The following CFHR2 variants were observed in gnomAD, a reference collection of about 807,000 sequenced individuals.
CFHR2 encodes complement factor H-related protein 2.
In CFHR2, 22 loss-of-function variants were observed where a neutral mutation model predicts 21.7. The observed-to-expected ratio is 1.01, with a 90% CI of 0.72 to 1.45. The LOEUF is 1.45. Among genes scored for constraint, CFHR2 ranks in the 40% most tolerant of loss-of-function variants. The pLI, the probability that CFHR2 is intolerant of heterozygous loss-of-function variation, is 0.00. For synonymous variants in CFHR2, 98 were observed against 97.4 expected, an observed-to-expected ratio of 1.01 and a Z score of -0.04; for missense variants, 294 against 293.3, an observed-to-expected ratio of 1.00 and a Z score of -0.02.
rs1180530149 is a variant in CFHR2, at chr1:196,943,898, TG to T, written c.19del (p.Val7Ter). 31 of 335,286 alleles carry T rather than the reference TG, an allele frequency of 9.2e-5. No homozygotes were observed. The African/African-American group carries it at 2.2e-3, about 24-fold the overall frequency. 20.8% of individuals were successfully genotyped at this position (335,286 alleles called of 1,614,324 possible). On this transcript the variant is annotated frameshift_variant, in exon 1 of 5. Coordinates refer to ENST00000367415, the MANE Select transcript of CFHR2 (RefSeq NM_005666.4). LOFTEE classifies it high-confidence loss of function. Reference protein sequence around the residue: MWLLVSVILISRISSVG... With the variant: MWLLVSXILISRISSVG... ...TACCAAGCATGTGGCTCCTGGTCAG[TG>T]TAATTCTAATCTCACGGATATCCTC...
At position 196,957,882 on chromosome 1, in the gene CFHR2, T is replaced by A. The variant is rs761222772; in HGVS notation, c.431-9T>A. ...TACTCTCCCAGTAAATCAAATGATG[T>A]TTTTTTAGTTTCTGCAGAAAAATGT... On this transcript the variant is annotated splice_polypyrimidine_tract_variant and intron_variant, in intron 3 of 4. Coordinates refer to ENST00000367415, the MANE Select transcript of CFHR2 (RefSeq NM_005666.4). 129 of 1,606,540 alleles carry A rather than the reference T, an allele frequency of 8.0e-5. No individual in the cohort carries two copies. Among genetic ancestry groups the A allele is most frequent in the Non-Finnish European group, 1.0e-4 (120 of 1,176,116 alleles).
chr1:196,947,965 C>G (rs1659574742), intron 1 of CFHR2, among the ~76,000 whole-genome samples: 1 of 152,006 alleles, frequency 6.6e-6, no homozygotes, highest in Non-Finnish European at 1.5e-5. Flanking sequence ...CTGTGAAAAA[C>G]TTGTTAATAA....
At position 196,949,615 on chromosome 1, in the gene CFHR2, A is replaced by G. The variant is rs1461279910; in HGVS notation, c.219A>G (p.Ala73=). 2 of 1,613,982 alleles carry G rather than the reference A, an allele frequency of 1.2e-6. No individual in the cohort carries two copies. Among genetic ancestry groups the G allele is most frequent in the Admixed American group, 1.7e-5 (1 of 59,978 alleles). ...CCTTTTGGACTCGCATAACGTGCGC[A>G]GAAGAAGGATGGTCACCAACACCAA... ...SKSFWTRITC[A]EEGWSPTPKC... The change falls in exon 2 of 5, where the codon GCA becomes GCG. Residue 73 remains alanine (A), a synonymous_variant. Transcript: ENST00000367415.
At chr1:196,950,304 A>G (rs1374624025) in intron 2 of CFHR2, among the ~76,000 whole-genome samples, 1 of 152,204 alleles carries the variant, frequency 6.6e-6, no homozygotes, top group African/African-American at 2.4e-5. Context: ...TTATTATAAA[A>G]AACATAGAGT....
intron 1 of CFHR2, among the ~76,000 whole-genome samples, chr1:196,945,122 T>C (rs2477979): frequency 0.01 from 1,406 of 134,526 alleles, 46 homozygotes; most frequent in African/African-American, 0.031. Context: ...GTGATCTGCC[T>C]GCCTCGGCCT....
At chr1:196,955,701 A>G (rs1652842987) in intron 3 of CFHR2, among the ~76,000 whole-genome samples, 1 of 132,364 alleles carries the variant, frequency 7.6e-6, no homozygotes, top group Non-Finnish European at 1.6e-5. Context: ...TATAAAAATT[A>G]GCTGGGCATG....
intron 3 of CFHR2, 38 bp downstream of exon 3, chr1:196,951,066 A>G (rs779054068): frequency 1.2e-6 from 2 of 1,607,866 alleles, no homozygotes; most frequent in South Asian, 2.2e-5. Context: ...CTGTTATATT[A>G]TAAAGTGTAA....
chr1:196,946,375 C>A (rs1173751097), intron 1 of CFHR2, among the ~76,000 whole-genome samples: 3 of 152,038 alleles, frequency 2.0e-5, no homozygotes, highest in Admixed American at 1.3e-4. Flanking sequence ...TTATTTTAAA[C>A]TTTTCTTCGA....
chr1:196,949,394 G>A, intron 1 of CFHR2, 61 bp from the exon 2 acceptor site: 5 of 1,466,590 alleles, frequency 3.4e-6, no homozygotes, highest in Non-Finnish European at 4.7e-6. Context: ...TTAAAATATA[G>A]TCTAGTGATT....
In CFHR2 at chr1:196,958,901, G is replaced by A; in HGVS notation, c.634G>A (p.Glu212Lys). The A allele has an allele frequency of 2.5e-6, 4 of 1,586,720 alleles. No homozygotes were observed. Among genetic ancestry groups the A allele is most frequent in the Non-Finnish European group, 3.5e-6 (4 of 1,157,264 alleles). The change falls in exon 5 of 5, where the codon GAA (glutamate) becomes AAA (lysine). Residue 212 changes from glutamate to lysine, a missense_variant. Physicochemically the swap from Glu to Lys is moderately conservative, Grantham distance 56 (BLOSUM62 1). Transcript: ENST00000367415. ...TTCAGATCCATGTGTAATATCACAAGAAATTATGGAAAAATATAACATAAA... is the reference window on the plus strand; with the variant it reads ...TTCAGATCCATGTGTAATATCACAAAAAATTATGGAAAAATATAACATAAA... ...KCLDPCVISQ[E>K]IMEKYNIKLK...
chr1:196,950,726 G>A, intron 2 of CFHR2, 126 bp from the exon 3 acceptor site: 2 of 1,054,728 alleles, frequency 1.9e-6, no homozygotes, highest in Admixed American at 2.1e-5. Flanking sequence ...ACTCACCTCA[G>A]CCTCCCAAAG....
chr1:196,950,462 G>GTTTGTTTTGT (rs368906118), intron 2 of CFHR2, among the ~76,000 whole-genome samples: 1 of 151,618 alleles, frequency 6.6e-6, no homozygotes, highest in South Asian at 2.1e-4. Context: ...TTTTTTGTTT[G>GTTTGTTTTGT]TTTGTTTTGT....
chr1:196,959,220 A>G lies in CFHR2; in HGVS notation c.*140A>G. On this transcript the variant is annotated 3_prime_UTR_variant, in exon 5 of 5. Coordinates refer to ENST00000367415, the MANE Select transcript of CFHR2 (RefSeq NM_005666.4). ...TTTTGTGTTGATTTGTGAAAATGCA[A>G]TTACAATCTGAGATGTGTCACAATG... 2 of 654,450 alleles carry G rather than the reference A, an allele frequency of 3.1e-6. No individual in the cohort carries two copies. Among genetic ancestry groups the G allele is most frequent in the Non-Finnish European group, 5.1e-6 (2 of 391,764 alleles). The allele number at this position is 654,450 out of a possible 1,614,324, so 40.5% of individuals were successfully genotyped here. A position where few individuals can be genotyped will look rare whatever the true frequency, so the allele number is the denominator to read the frequency against.
chr1:196,949,790 T>G, intron 2 of CFHR2, 141 bp downstream of exon 2: 1 of 1,055,830 alleles, frequency 9.5e-7, no homozygotes, highest in Non-Finnish European at 1.4e-6. Context: ...CCTTCTATTT[T>G]GAGATGGCTC....
chr1:196,950,804 T>C, intron 2 of CFHR2, 48 bp from the exon 3 acceptor site: 1 of 1,602,276 alleles, frequency 6.2e-7, no homozygotes, highest in Non-Finnish European at 8.5e-7. Context: ...AGTTGTACTT[T>C]TTCTTTGCTA....
At chr1:196,951,517 T>C (rs778449657) in intron 3 of CFHR2, among the ~76,000 whole-genome samples, 1 of 152,188 alleles carries the variant, frequency 6.6e-6, no homozygotes, top group Non-Finnish European at 1.5e-5. Context: ...TAGCTTAGCA[T>C]TTGGAAAACG....
chr1:196,951,175 C>T, intron 3 of CFHR2, 147 bp downstream of exon 3: 1 of 992,882 alleles, frequency 1.0e-6, no homozygotes, highest in South Asian at 1.8e-5. Flanking sequence ...CCAATTGTGT[C>T]TAAGTGGATG....
chr1:196,955,846 CA>C (rs1652853471), intron 3 of CFHR2, among the ~76,000 whole-genome samples: 1 of 151,558 alleles, frequency 6.6e-6, no homozygotes. Context: ...GACTCTGTCT[CA>C]AAAAAATAAT....
chr1:196,958,476 G>C (rs1014459003), intron 4 of CFHR2, among the ~76,000 whole-genome samples: 1 of 151,602 alleles, frequency 6.6e-6, no homozygotes, highest in Non-Finnish European at 1.5e-5. Flanking sequence ...CAAATTTCAA[G>C]TAAATAATAC....
Sources: gnomAD v4.1 joint callset for allele counts (sites outside exome capture counted in the v4.1 genomes callset) on GRCh38, gnomAD v4.1.1 for gene constraint, MANE v1.5 for transcripts, NCBI Gene and HGNC (gene_info 2026-07-23, HGNC 2026-07-21) for gene names.